ST6GALNAC3: variants seen among roughly 807,000 people sequenced by gnomAD.
ST6GALNAC3 encodes the protein ST6 N-acetylgalactosaminide alpha-2,6-sialyltransferase 3, also known as alpha-N-acetylgalactosaminide alpha-2,6-sialyltransferase 3.
A neutral mutation model predicts 32.7 loss-of-function variants in ST6GALNAC3; 25 were observed. The ratio of observed to expected loss-of-function variants is 0.76; its 90% CI spans 0.56 to 1.07. The LOEUF is 1.07. Ranked by LOEUF, ST6GALNAC3 falls within the 50% of genes least tolerant of loss-of-function variation. The pLI is 0.00. For missense variants in ST6GALNAC3, 355 were observed against 382.4 expected (o/e 0.93, Z 0.60); for synonymous variants, 129 against 133.1 (o/e 0.97, Z 0.21).
At chr1:76,555,210 T>C (rs897854702) in intron 3 of ST6GALNAC3, among the ~76,000 whole-genome samples, 2 of 152,042 alleles carry the variant, frequency 1.3e-5, no homozygotes, top group African/African-American at 4.8e-5. Context: ...TAGAAAGAAG[T>C]TACTAGAGAT....
intron 3 of ST6GALNAC3, among the ~76,000 whole-genome samples, chr1:76,505,065 T>G (rs1661392225): frequency 6.6e-6 from 1 of 152,136 alleles, no homozygotes. Flanking sequence ...GCCAAATATT[T>G]TCTGGTACCT....
intron 2 of ST6GALNAC3, among the ~76,000 whole-genome samples, chr1:76,382,579 C>T (rs930955905): frequency 6.6e-6 from 1 of 152,088 alleles, no homozygotes; most frequent in South Asian, 2.1e-4. Context: ...AGCAGACACC[C>T]AGTGAAAAAT....
chr1:76,112,563 C>T (rs1199382035), intron 1 of ST6GALNAC3, among the ~76,000 whole-genome samples: 5 of 151,496 alleles, frequency 3.3e-5, no homozygotes, highest in Non-Finnish European at 7.4e-5. Context: ...CGGGCGGAGA[C>T]GCTCCTCACT....
chr1:76,133,879 A>G (rs1285800230), intron 1 of ST6GALNAC3, among the ~76,000 whole-genome samples: 1 of 152,194 alleles, frequency 6.6e-6, no homozygotes, highest in East Asian at 1.9e-4. Context: ...TACTTACAGA[A>G]TGACAAGAAG....
intron 1 of ST6GALNAC3, among the ~76,000 whole-genome samples, chr1:76,118,850 T>C (rs1648663068): frequency 6.6e-6 from 1 of 152,034 alleles, no homozygotes. Flanking sequence ...TGAGGTGGAG[T>C]CTCACTCTGT....
intron 3 of ST6GALNAC3, among the ~76,000 whole-genome samples, chr1:76,484,363 G>A (rs1375146316): frequency 3.9e-5 from 6 of 152,186 alleles, no homozygotes; most frequent in African/African-American, 7.2e-5. Context: ...AGCATGGAAT[G>A]TTCTTCCATT....
At chr1:76,212,381 C>CTCG (rs1300479724) in intron 1 of ST6GALNAC3, among the ~76,000 whole-genome samples, 4 of 152,118 alleles carry the variant, frequency 2.6e-5, no homozygotes, top group Non-Finnish European at 5.9e-5. Context: ...TCTCAAAGGG[C>CTCG]TCGGCAGGCT....
chr1:76,517,050 C>T (rs112918312), intron 3 of ST6GALNAC3, among the ~76,000 whole-genome samples: 4 of 151,832 alleles, frequency 2.6e-5, no homozygotes, highest in African/African-American at 4.8e-5. Flanking sequence ...TTAATTATGG[C>T]ATAATTTAAA....
intron 3 of ST6GALNAC3, among the ~76,000 whole-genome samples, chr1:76,561,532 C>G (rs979423190): frequency 6.6e-6 from 1 of 152,008 alleles, no homozygotes; most frequent in Admixed American, 6.6e-5. Flanking sequence ...ATGCTCAACA[C>G]CATTAGAAAT....
chr1:76,309,925 A>G (rs1237991021), intron 1 of ST6GALNAC3: 1 of 470,090 alleles, frequency 2.1e-6, no homozygotes, highest in South Asian at 1.5e-5. Context: ...CTGCTATTTC[A>G]TCCTGTTTTG....
intron 3 of ST6GALNAC3, among the ~76,000 whole-genome samples, chr1:76,432,529 G>A (rs1032327820): frequency 3.1e-5 from 4 of 130,502 alleles, no homozygotes; most frequent in African/African-American, 8.7e-5. Context: ...AACATGGCTC[G>A]CTGAAGCCTT....
intron 3 of ST6GALNAC3, among the ~76,000 whole-genome samples, chr1:76,616,224 G>C (rs1408786850): frequency 6.6e-6 from 1 of 152,132 alleles, no homozygotes; most frequent in Non-Finnish European, 1.5e-5. Context: ...CACTAAGTGA[G>C]GAGTTTAACT....
chr1:76,552,900 A>G (rs982961853), intron 3 of ST6GALNAC3, among the ~76,000 whole-genome samples: 3 of 152,206 alleles, frequency 2.0e-5, no homozygotes, highest in African/African-American at 7.2e-5. Flanking sequence ...AAGTTTAGAA[A>G]GTTACCTTTT....
intron 3 of ST6GALNAC3, among the ~76,000 whole-genome samples, chr1:76,420,149 G>C (rs1032335683): frequency 6.6e-6 from 1 of 151,994 alleles, no homozygotes; most frequent in African/African-American, 2.4e-5. Context: ...GCCACCTGCT[G>C]ACCCAAATGA....
chr1:76,606,655 C>T (rs192908706), intron 3 of ST6GALNAC3, among the ~76,000 whole-genome samples: 21 of 151,766 alleles, frequency 1.4e-4, no homozygotes, highest in African/African-American at 4.4e-4. Context: ...GTATAGTAAA[C>T]CCCCATGGCA....
chr1:76,324,635 G>T (rs1385630754), intron 2 of ST6GALNAC3, among the ~76,000 whole-genome samples: 1 of 152,144 alleles, frequency 6.6e-6, no homozygotes, highest in Non-Finnish European at 1.5e-5. Flanking sequence ...AACCCCCACA[G>T]CCAAGAGTGT....
intron 1 of ST6GALNAC3, among the ~76,000 whole-genome samples, chr1:76,160,034 G>A (rs941398386): frequency 6.6e-6 from 1 of 152,162 alleles, no homozygotes; most frequent in African/African-American, 2.4e-5. Flanking sequence ...ATAGCTCTTT[G>A]TAGGATTGTT....
chr1:76,109,817 A>G (rs2100799166), intron 1 of ST6GALNAC3, among the ~76,000 whole-genome samples: 4 of 152,374 alleles, frequency 2.6e-5, no homozygotes, highest in Middle Eastern at 6.8e-3. Flanking sequence ...AAGGCTAAGC[A>G]ATGGCTACCT....
intron 1 of ST6GALNAC3, among the ~76,000 whole-genome samples, chr1:76,159,629 T>G (rs1274718983): frequency 6.6e-6 from 1 of 152,198 alleles, no homozygotes; most frequent in African/African-American, 2.4e-5. Context: ...AAACACTGTG[T>G]TAGGGAAGAT....
Sources: gnomAD v4.1 joint callset for allele counts (sites outside exome capture counted in the v4.1 genomes callset) on GRCh38, gnomAD v4.1.1 for gene constraint, MANE v1.5 for transcripts, NCBI Gene and HGNC (gene_info 2026-07-23, HGNC 2026-07-21) for gene names.